The following TEAD4 variants were observed in gnomAD, a reference collection of about 807,000 sequenced individuals.
TEAD4 encodes TEA domain transcription factor 4, also known as transcriptional enhancer factor TEF-3.
A neutral mutation model predicts 52.4 loss-of-function variants in TEAD4; 36 were observed. The observed-to-expected ratio is 0.69, with a 90% confidence interval of 0.53 to 0.91. The LOEUF is 0.91. TEAD4 is among the 40% of genes least tolerant of loss of function. The pLI is 0.00. For missense variants in TEAD4, 508 were observed against 583.9 expected (o/e 0.87, Z 1.34); for synonymous variants, 220 against 231.0 (o/e 0.95, Z 0.43).
At chr12:3,024,668 C>CA (rs976933750) in intron 10 of TEAD4, among the ~76,000 whole-genome samples, 2 of 151,946 alleles carry the variant, frequency 1.3e-5, no homozygotes, top group African/African-American at 2.4e-5. Flanking sequence ...AACAAAAAAA[C>CA]AAAAAACAAA....
intron 2 of TEAD4, among the ~76,000 whole-genome samples, chr12:2,976,203 G>C (rs1172921475): frequency 1.3e-5 from 2 of 151,862 alleles, no homozygotes; most frequent in Admixed American, 1.3e-4. Flanking sequence ...ACACCATTTT[G>C]TGTTCCACCA....
intron 10 of TEAD4, among the ~76,000 whole-genome samples, chr12:3,035,984 GCA>G (rs1408247115): frequency 6.6e-6 from 1 of 152,060 alleles, no homozygotes; most frequent in Non-Finnish European, 1.5e-5. Context: ...GCCATCCTGG[GCA>G]CCCTGCCTAC....
chr12:2,981,901 A>G (rs968538507), intron 2 of TEAD4, among the ~76,000 whole-genome samples: 3 of 151,990 alleles, frequency 2.0e-5, no homozygotes, highest in Admixed American at 2.0e-4. Context: ...TCTTATTTTG[A>G]GAGATGAAGC....
chr12:2,972,775 A>G (rs1003583157), intron 2 of TEAD4, among the ~76,000 whole-genome samples: 2 of 152,134 alleles, frequency 1.3e-5, no homozygotes, highest in African/African-American at 4.8e-5. Flanking sequence ...TGCTGGGATT[A>G]CAGGCGTGAG....
intron 2 of TEAD4, among the ~76,000 whole-genome samples, chr12:2,974,953 G>C (rs1323958180): frequency 6.6e-6 from 1 of 152,102 alleles, no homozygotes; most frequent in African/African-American, 2.4e-5. Flanking sequence ...TTTCAGATCT[G>C]CATTTTCCTA....
At chr12:2,968,631 C>G (rs1201748630) in intron 2 of TEAD4, among the ~76,000 whole-genome samples, 1 of 151,152 alleles carries the variant, frequency 6.6e-6, no homozygotes, top group Non-Finnish European at 1.5e-5. Flanking sequence ...GCTGTGTTTC[C>G]CAGGCTGGTG....
intron 7 of TEAD4, 42 bp downstream of exon 7, chr12:3,018,630 A>G (rs753637588): frequency 2.0e-5 from 33 of 1,613,560 alleles, no homozygotes; most frequent in Non-Finnish European, 2.7e-5. Flanking sequence ...TGCTCCCTGA[A>G]CTGAACTTGA....
At chr12:3,001,918 C>T (rs888861782) in intron 3 of TEAD4, among the ~76,000 whole-genome samples, 5 of 152,004 alleles carry the variant, frequency 3.3e-5, no homozygotes, top group African/African-American at 7.2e-5. Context: ...CAGTGAAACC[C>T]GTCTCTACTA....
At chr12:2,961,067 T>C (rs1180469680) in intron 2 of TEAD4, among the ~76,000 whole-genome samples, 4 of 151,958 alleles carry the variant, frequency 2.6e-5, no homozygotes, top group Non-Finnish European at 4.4e-5. Context: ...GATCTTTGCC[T>C]TTGGGGGATG....
chr12:3,028,008 C>G (rs548998760), intron 10 of TEAD4, among the ~76,000 whole-genome samples: 1 of 152,206 alleles, frequency 6.6e-6, no homozygotes, highest in African/African-American at 2.4e-5. Context: ...TCCTACCCCC[C>G]AGCCCTGTGC....
At chr12:2,972,491 CTTTTTT>C (rs751852771) in intron 2 of TEAD4, among the ~76,000 whole-genome samples, 10 of 34,792 alleles carry the variant, frequency 2.9e-4, no homozygotes, top group Admixed American at 5.2e-4. Flanking sequence ...CAGCATGTCT[CTTTTTT>C]TTTTTTTTTT....
At chr12:2,971,346 G>T (rs2098224809) in intron 2 of TEAD4, among the ~76,000 whole-genome samples, 1 of 152,154 alleles carries the variant, frequency 6.6e-6, no homozygotes. Context: ...GAGAGGAAGA[G>T]AAACAGAACT....
intron 2 of TEAD4, among the ~76,000 whole-genome samples, chr12:2,987,894 G>A (rs758957244): frequency 6.6e-6 from 1 of 151,270 alleles, no homozygotes; most frequent in Non-Finnish European, 1.5e-5. Context: ...GTGAAACCCT[G>A]TCTCTACTAA....
intron 10 of TEAD4, among the ~76,000 whole-genome samples, chr12:3,023,276 C>T (rs2098269901): frequency 6.6e-6 from 1 of 152,056 alleles, no homozygotes; most frequent in Non-Finnish European, 1.5e-5. Flanking sequence ...AGGAAGTGGG[C>T]TCTGGAGTGA....
At chr12:2,992,116 T>C (rs910259752) in intron 2 of TEAD4, among the ~76,000 whole-genome samples, 2 of 147,710 alleles carry the variant, frequency 1.4e-5, no homozygotes, top group African/African-American at 2.5e-5. Flanking sequence ...CCTCCCGGGT[T>C]CAAGTGATTC....
At position 2,994,890 on chromosome 12, in the gene TEAD4, G is replaced by T. The variant is rs763254392; in HGVS notation, c.124G>T (p.Val42Leu). 2 of 1,614,198 alleles carry T rather than the reference G, an allele frequency of 1.2e-6. No individual in the cohort carries two copies. The highest frequency in any genetic ancestry group is 8.5e-7 in the Non-Finnish European group (1 of 1,180,046). ...GCCCATCGACAATGACGCAGAGGGC[G>T]TGTGGAGCCCGGATATTGAGCAGAG... Residue 42 changes from valine (V) to leucine (L), a missense_variant, in exon 3 of 13, where the codon GTG becomes TTG. Val to Leu is a conservative substitution (Grantham distance 32). Transcript: ENST00000359864. This position sits in a 1 kb window ranked among gnomAD's most constrained non-coding sequence, Gnocchi z 4.7.
At chr12:3,021,745 C>A in intron 9 of TEAD4, 99 bp from the exon 10 acceptor site, 3 of 1,296,516 alleles carry the variant, frequency 2.3e-6, no homozygotes, top group East Asian at 2.3e-5. Context: ...AAAGGCCAAG[C>A]GGCTTGCACC....
rs527393627 is a variant in TEAD4 at position 3,019,305 on chromosome 12, A to T, written c.583+135A>T. On this transcript the variant is annotated intron_variant, in intron 8 of 12. Coordinates refer to ENST00000359864, the MANE Select transcript of TEAD4 (RefSeq NM_003213.4). ...GTCATGCACACTGACCACACGTCCT[A>T]GTCCCTGGCCACACCCCATTCCTTT... 4 of 994,604 alleles carry T rather than the reference A, an allele frequency of 4.0e-6. No homozygotes were observed. In the African/African-American group the frequency reaches 6.4e-5, roughly 16 times the overall value. The allele number at this position is 994,604 out of a possible 1,614,324, so 61.6% of individuals were successfully genotyped here.
intron 3 of TEAD4, among the ~76,000 whole-genome samples, chr12:2,996,487 G>C (rs369946996): frequency 6.7e-6 from 1 of 150,006 alleles, no homozygotes; most frequent in African/African-American, 2.5e-5. Flanking sequence ...TCAGCTCAAC[G>C]CTACCTCTGC....
Sources: allele counts gnomAD v4.1 joint callset (sites outside exome capture counted in the v4.1 genomes callset), GRCh38; gene constraint gnomAD v4.1.1; non-coding constraint Gnocchi (gnomAD v3.1); transcripts MANE v1.5; gene names NCBI Gene and HGNC (gene_info 2026-07-23, HGNC 2026-07-21).